The following CACNA2D2 variants were observed in gnomAD, a reference collection of about 807,000 sequenced individuals.
CACNA2D2 encodes calcium voltage-gated channel auxiliary subunit alpha2delta 2.
CACNA2D2 carries 48 observed loss-of-function variants against 166.4 expected under a neutral mutation model. The observed-to-expected ratio is 0.29, with a 90% CI of 0.23 to 0.37. CACNA2D2 has a LOEUF of 0.37. Among genes scored for constraint, CACNA2D2 ranks in the 10% least tolerant of loss-of-function variants. CACNA2D2 has a pLI of 1.00. For missense variants in CACNA2D2, 1,122 were observed against 1,433.0 expected (o/e 0.78, Z 3.50); for synonymous variants, 561 against 573.7 (o/e 0.98, Z 0.32).
At chr3:50,436,168 A>ATCAT (rs1355486704) in intron 2 of CACNA2D2, among the ~76,000 whole-genome samples, 1 of 17,618 alleles carries the variant, frequency 5.7e-5, no homozygotes, top group Non-Finnish European at 1.0e-4. Flanking sequence ...TCCTTGACAG[A>ATCAT]TCATTCTGGG....
intron 2 of CACNA2D2, among the ~76,000 whole-genome samples, chr3:50,455,493 T>C (rs1008827294): frequency 6.6e-6 from 1 of 152,246 alleles, no homozygotes; most frequent in East Asian, 1.9e-4. Flanking sequence ...ATAAATATTT[T>C]AAATAGCGAC....
intron 22 of CACNA2D2, among the ~76,000 whole-genome samples, chr3:50,371,232 A>G (rs905284980): frequency 6.6e-6 from 1 of 152,150 alleles, no homozygotes; most frequent in African/African-American, 2.4e-5. Context: ...GGCTCCAGGC[A>G]GCCATGGGGG....
At chr3:50,462,307 G>C (rs1293724769) in intron 2 of CACNA2D2, among the ~76,000 whole-genome samples, 1 of 151,640 alleles carries the variant, frequency 6.6e-6, no homozygotes, top group African/African-American at 2.4e-5. Context: ...AGAATTGCTT[G>C]AACCAGGGAG....
Position 50,379,739 on chromosome 3 carries a change from C to A in CACNA2D2, c.979G>T (p.Val327Leu). Residue 327 changes from valine to leucine, a missense_variant, in exon 10 of 38, where the codon GTG (valine) becomes TTG (leucine). This residue lies in a region of CACNA2D2 where 840 missense variants were observed against 1,166.8 expected (regional missense o/e 0.72). Transcript: ENST00000424201. This position sits in a 1 kb window ranked among gnomAD's most constrained non-coding sequence, Gnocchi z 6.5. ...MLDTLSDDDY[V>L]NVASFNEKAQ... ...TTGGCACTCACCGAGGCCACATTCA[C>A]ATAGTCATCATCAGACAGCGTGTCC... 1.2e-6 allele frequency: 2 copies of A among 1,613,944 alleles called. No homozygotes were observed. Among genetic ancestry groups the A allele is most frequent in the Non-Finnish European group, 1.7e-6 (2 of 1,180,044 alleles).
At chr3:50,441,192 C>T (rs1708579832) in intron 2 of CACNA2D2, among the ~76,000 whole-genome samples, 1 of 151,994 alleles carries the variant, frequency 6.6e-6, no homozygotes, top group African/African-American at 2.4e-5. Context: ...GCTCTGTGGT[C>T]CCTCGTCCTC....
At chr3:50,440,095 G>GCT (rs1291959454) in intron 2 of CACNA2D2, among the ~76,000 whole-genome samples, 4 of 152,236 alleles carry the variant, frequency 2.6e-5, no homozygotes, top group African/African-American at 9.6e-5. Context: ...ACCCCTCAGG[G>GCT]CTCTCCCTAT....
chr3:50,450,289 C>A (rs368753133), intron 2 of CACNA2D2, among the ~76,000 whole-genome samples: 29 of 152,244 alleles, frequency 1.9e-4, no homozygotes, highest in African/African-American at 6.7e-4. Flanking sequence ...TGACCCAGTT[C>A]CTGTGTGGGC....
intron 2 of CACNA2D2, among the ~76,000 whole-genome samples, chr3:50,465,096 CGGA>C (rs1259543868): frequency 6.6e-6 from 1 of 152,202 alleles, no homozygotes; most frequent in Non-Finnish European, 1.5e-5. Context: ...TGATCCTTCC[CGGA>C]GGAGGAGGCC....
intron 2 of CACNA2D2, among the ~76,000 whole-genome samples, chr3:50,457,891 G>C (rs762662894): frequency 1.3e-5 from 2 of 152,196 alleles, no homozygotes; most frequent in Non-Finnish European, 2.9e-5. Context: ...AGCCCAAGTG[G>C]ACAGACTAAT....
At chr3:50,397,853 G>A (rs1706235191) in intron 3 of CACNA2D2, among the ~76,000 whole-genome samples, 1 of 152,198 alleles carries the variant, frequency 6.6e-6, no homozygotes, top group South Asian at 2.1e-4. Flanking sequence ...CTCCGCCAAG[G>A]AGGACATGTC....
At chr3:50,391,590 T>A (rs1559903867) in intron 4 of CACNA2D2, among the ~76,000 whole-genome samples, 2 of 152,206 alleles carry the variant, frequency 1.3e-5, no homozygotes, top group Non-Finnish European at 2.9e-5. Context: ...GGATAGGAGC[T>A]TTACATCCAG....
At position 50,379,726 on chromosome 3, in the gene CACNA2D2, G is replaced by C; in HGVS notation, c.992C>G (p.Ser331Trp). The C allele has an allele frequency of 6.2e-7, 1 of 1,613,678 alleles. No homozygotes were observed. The highest frequency in any genetic ancestry group is 8.5e-7 in the Non-Finnish European group (1 of 1,179,878). Residue 331 changes from serine to tryptophan, a missense_variant and splice_region_variant, in exon 10 of 38, where the codon TCG (serine) becomes TGG (tryptophan). This residue lies in a region of CACNA2D2 where 840 missense variants were observed against 1,166.8 expected (regional missense o/e 0.72). Coordinates refer to ENST00000424201, the MANE Select transcript of CACNA2D2 (RefSeq NM_006030.4). This position sits in a 1 kb window ranked among gnomAD's most constrained non-coding sequence, Gnocchi z 6.5. ...CCCGTCTGCCACCTTGGCACTCACC[G>C]AGGCCACATTCACATAGTCATCATC... is the stretch of plus-strand genomic sequence containing the variant. ...LSDDDYVNVA[S>W]FNEKAQPVSC... is the part of the protein sequence containing the mutation.
At chr3:50,502,365 G>A (rs1432371810) in intron 1 of CACNA2D2, among the ~76,000 whole-genome samples, 5 of 152,324 alleles carry the variant, frequency 3.3e-5, no homozygotes, top group East Asian at 1.9e-4. Flanking sequence ...AAACTGATAC[G>A]TCCTAAAGGC....
chr3:50,393,570 C>T (rs997596328), intron 4 of CACNA2D2, among the ~76,000 whole-genome samples: 2 of 152,254 alleles, frequency 1.3e-5, no homozygotes, highest in African/African-American at 4.8e-5. Context: ...TCTTGCACCT[C>T]TGCTCCAAGG....
chr3:50,411,652 C>T (rs1707022862), intron 3 of CACNA2D2, among the ~76,000 whole-genome samples: 1 of 152,228 alleles, frequency 6.6e-6, no homozygotes, highest in African/African-American at 2.4e-5. Flanking sequence ...AAGGAGGAAG[C>T]TCAAAACAAT....
rs150534078 is a variant in CACNA2D2, at chr3:50,378,973, G to A, written c.1281C>T (p.Ser427=). ...PNRTVRVFTF[S]VGQHNYDVTP... ...TGACGTCATAGTTATGCTGCCCCAC[G>A]GAGAAAGTAAACACGCGCACCTGTG... Residue 427 remains serine (S), a synonymous_variant, in exon 13 of 38, where the codon TCC becomes TCT. Coordinates refer to ENST00000424201, the MANE Select transcript of CACNA2D2 (RefSeq NM_006030.4). The A allele has an allele frequency of 9.3e-6, 15 of 1,613,800 alleles. No individual in the cohort carries two copies. In the Admixed American group the frequency reaches 1.3e-4, roughly 14 times the overall value.
At chr3:50,428,850 C>T (rs1707924844) in intron 3 of CACNA2D2, among the ~76,000 whole-genome samples, 1 of 152,230 alleles carries the variant, frequency 6.6e-6, no homozygotes, top group Non-Finnish European at 1.5e-5. Context: ...GGACAGCAAA[C>T]ACCACATGGC....
chr3:50,435,907 C>G (rs2106899537), intron 2 of CACNA2D2, among the ~76,000 whole-genome samples: 1 of 152,322 alleles, frequency 6.6e-6, no homozygotes, highest in African/African-American at 2.4e-5. Flanking sequence ...GAAGAGAGGC[C>G]CCGAGTGAGT....
intron 1 of CACNA2D2, among the ~76,000 whole-genome samples, chr3:50,476,553 G>A (rs540407604): frequency 1.1e-4 from 17 of 152,234 alleles, no homozygotes; most frequent in Non-Finnish European, 1.9e-4. Context: ...GGACACCAGG[G>A]AGGAGGGAGA....
Sources: gnomAD v4.1 joint callset for allele counts (sites outside exome capture counted in the v4.1 genomes callset) on GRCh38, gnomAD v4.1.1 for gene constraint, gnomAD v4.1.1 regional missense constraint, Gnocchi (gnomAD v3.1) non-coding constraint, MANE v1.5 for transcripts, NCBI Gene and HGNC (gene_info 2026-07-23, HGNC 2026-07-21) for gene names.